The following BICC1 variants were observed in gnomAD, a reference collection of about 807,000 sequenced individuals.
The protein encoded by BICC1 is BicC family RNA binding protein 1.
BICC1 carries 43 observed loss-of-function variants against 111.0 expected under a neutral mutation model. The observed-to-expected ratio is 0.39, with a 90% CI of 0.30 to 0.50. BICC1 has a LOEUF of 0.50. Ranked by LOEUF, BICC1 falls within the 20% of genes least tolerant of loss-of-function variation. The pLI is 0.88. For missense variants in BICC1, 1,091 were observed against 1,203.2 expected, an observed-to-expected ratio of 0.91 and a Z score of 1.38; for synonymous variants, 467 against 434.4, an observed-to-expected ratio of 1.07 and a Z score of -0.93.
intron 1 of BICC1, among the ~76,000 whole-genome samples, chr10:58,604,652 GA>G (rs1197982728): frequency 6.6e-6 from 1 of 152,078 alleles, no homozygotes; most frequent in East Asian, 1.9e-4. Context: ...CAGAGCGGGG[GA>G]AAAAATAAAA....
intron 3 of BICC1, among the ~76,000 whole-genome samples, chr10:58,774,718 C>T (rs1015784177): frequency 2.6e-5 from 4 of 152,032 alleles, no homozygotes; most frequent in African/African-American, 9.7e-5. Flanking sequence ...TTATTTCCAC[C>T]AAAAGTATGG....
Position 58,687,841 on chromosome 10 carries a change from T to A in BICC1, c.238-14233T>A, listed in dbSNP as rs945235337. ...TCCTGGGTGAGGCAATGCCCCACTC[T>A]GGTCCGTGGGCTGCACCCACTGTCC... On this transcript the variant is annotated intron_variant, in intron 2 of 20. Coordinates refer to ENST00000373886, the MANE Select transcript of BICC1 (RefSeq NM_001080512.3). 6.6e-5 allele frequency among the ~76,000 whole-genome samples: 10 copies of A among 152,316 alleles called. 1 individual carries two copies. Among genetic ancestry groups the A allele is most frequent in the Middle Eastern group, 3.4e-3 (1 of 294 alleles).
At chr10:58,516,493 T>G (rs1842245469) in intron 1 of BICC1, among the ~76,000 whole-genome samples, 1 of 103,834 alleles carries the variant, frequency 9.6e-6, no homozygotes, top group African/African-American at 5.0e-5. Flanking sequence ...TCTTTTTTCA[T>G]GGTTTTTTAC....
intron 3 of BICC1, among the ~76,000 whole-genome samples, chr10:58,765,150 T>G (rs1411210091): frequency 1.3e-5 from 2 of 152,212 alleles, no homozygotes; most frequent in African/African-American, 4.8e-5. Context: ...TGGTGCGATC[T>G]CTGCTCACTG....
chr10:58,802,262 C>A (rs1390908521), intron 14 of BICC1, among the ~76,000 whole-genome samples: 2 of 152,182 alleles, frequency 1.3e-5, no homozygotes, highest in Non-Finnish European at 2.9e-5. Context: ...TAGCCTCTGT[C>A]AACTTTTGTC....
chr10:58,606,290 A>G (rs1296109699), intron 1 of BICC1, among the ~76,000 whole-genome samples: 1 of 152,176 alleles, frequency 6.6e-6, no homozygotes, highest in Non-Finnish European at 1.5e-5. Flanking sequence ...TATGGAATCC[A>G]AGTAGTAGGG....
chr10:58,540,401 T>G (rs1842931885), intron 1 of BICC1, among the ~76,000 whole-genome samples: 1 of 150,724 alleles, frequency 6.6e-6, no homozygotes, highest in Non-Finnish European at 1.5e-5. Flanking sequence ...AAACAAAGAC[T>G]CAAATAACAA....
chr10:58,735,270 C>T (rs889375587), intron 3 of BICC1, among the ~76,000 whole-genome samples: 6 of 152,158 alleles, frequency 3.9e-5, no homozygotes, highest in African/African-American at 1.2e-4. Flanking sequence ...ACACCATACT[C>T]GGGCTGTTTT....
Position 58,796,501 on chromosome 10 carries a change from A to G in BICC1, c.1341A>G (p.Ser447=), listed in dbSNP as rs1483979300. ...GTCCCAGCCTGGATATCTTAGCTTCAGCAGGCCTTGGACTCACTGGACTAG... is the reference window on the plus strand; with the variant it reads ...GTCCCAGCCTGGATATCTTAGCTTCGGCAGGCCTTGGACTCACTGGACTAG... ...LACPSLDILA[S]AGLGLTGLGL... Residue 447 remains serine, a synonymous_variant, in exon 10 of 21, where the codon TCA becomes TCG. Transcript: ENST00000373886. 1 of 1,614,024 alleles carries G rather than the reference A, an allele frequency of 6.2e-7. No homozygotes were observed. The highest frequency in any genetic ancestry group is 1.1e-5 in the South Asian group (1 of 91,074).
intron 2 of BICC1, among the ~76,000 whole-genome samples, chr10:58,668,681 T>C (rs1839091809): frequency 6.6e-6 from 1 of 152,214 alleles, no homozygotes; most frequent in East Asian, 1.9e-4. Context: ...TTACTTCATT[T>C]TGGGCCAGTT....
At chr10:58,727,109 G>GAT (rs1013524938) in intron 3 of BICC1, among the ~76,000 whole-genome samples, 8 of 152,138 alleles carry the variant, frequency 5.3e-5, no homozygotes, top group Admixed American at 3.3e-4. Flanking sequence ...TTTAAAAAAT[G>GAT]ATAGAATTTA....
At chr10:58,817,524 C>T in intron 18 of BICC1, 38 bp from the exon 19 acceptor site, 1 of 1,610,018 alleles carries the variant, frequency 6.2e-7, no homozygotes, top group Non-Finnish European at 8.5e-7. Context: ...TCTCTCTGGG[C>T]ATTTACACTT....
At chr10:58,787,591 G>A (rs1843049066) in intron 5 of BICC1, among the ~76,000 whole-genome samples, 1 of 152,134 alleles carries the variant, frequency 6.6e-6, no homozygotes, top group African/African-American at 2.4e-5. Context: ...TCATGCAAGC[G>A]GTTTCAGTAC....
intron 1 of BICC1, among the ~76,000 whole-genome samples, chr10:58,604,893 G>A (rs936005310): frequency 3.9e-5 from 6 of 152,186 alleles, no homozygotes; most frequent in East Asian, 1.9e-4. Flanking sequence ...TTTGAGGCCC[G>A]ACTTTCTGGA....
intron 1 of BICC1, 80 bp downstream of exon 1, chr10:58,513,413 C>T: frequency 7.5e-7 from 1 of 1,338,610 alleles, no homozygotes; most frequent in African/African-American, 1.7e-5. Context: ...CGCTCCGGCG[C>T]CCGCTACTCC....
At chr10:58,651,022 C>T (rs1838430036) in intron 2 of BICC1, among the ~76,000 whole-genome samples, 2 of 152,126 alleles carry the variant, frequency 1.3e-5, no homozygotes, top group African/African-American at 4.8e-5. Flanking sequence ...TGGGCTCCCT[C>T]CTCACCCCAC....
rs943623291 is a variant in BICC1 at position 58,627,372 on chromosome 10, T to C, written c.237+6471T>C. ...TGGAAAGGTCTAGTTAAGAGACTTA[T>C]TGGCATTAGTTTAAAAAGGTTTGTA... On this transcript the variant is annotated intron_variant, in intron 2 of 20. Coordinates refer to ENST00000373886, the MANE Select transcript of BICC1 (RefSeq NM_001080512.3). Among the ~76,000 whole-genome samples, 4 of 152,238 alleles carry C rather than the reference T, an allele frequency of 2.6e-5. No individual in the cohort carries two copies. In the East Asian group the frequency reaches 5.8e-4, roughly 22 times the overall value.
chr10:58,813,424 A>G (rs923219077), intron 17 of BICC1, among the ~76,000 whole-genome samples: 4 of 152,142 alleles, frequency 2.6e-5, no homozygotes, highest in Admixed American at 6.6e-5. Context: ...GCTTTGCCAC[A>G]TCACCATTTC....
intron 8 of BICC1, 30 bp downstream of exon 8, chr10:58,789,963 T>G (rs757969164): frequency 1.2e-6 from 2 of 1,609,750 alleles, no homozygotes; most frequent in Non-Finnish European, 1.7e-6. Context: ...TGTTACAATT[T>G]TTTTAAACCT....
Sources: gnomAD v4.1 joint callset for allele counts (sites outside exome capture counted in the v4.1 genomes callset) on GRCh38, gnomAD v4.1.1 for gene constraint, MANE v1.5 for transcripts, NCBI Gene and HGNC (gene_info 2026-07-23, HGNC 2026-07-21) for gene names.